Variants in PRKCB observed in about 807,000 individuals in gnomAD.
The protein encoded by PRKCB is protein kinase C beta.
A neutral mutation model predicts 81.5 loss-of-function variants in PRKCB; 13 were observed. The observed-to-expected ratio is 0.16, with a 90% CI of 0.10 to 0.25. The LOEUF (loss-of-function observed/expected upper bound fraction) is 0.25. Among genes scored for constraint, PRKCB ranks in the 10% least tolerant of loss-of-function variants. PRKCB has a pLI of 1.00. For synonymous variants in PRKCB, 335 were observed against 321.4 expected (o/e 1.04, Z -0.45); for missense variants, 509 against 875.7 (o/e 0.58, Z 5.29).
chr16:24,118,979 G>A lies in PRKCB; in HGVS notation c.919-4856G>A, dbSNP rs192712548. 2.1e-3 allele frequency among the ~76,000 whole-genome samples: 321 copies of A among 152,184 alleles called. 7 individuals are homozygous for A. The highest frequency in any genetic ancestry group is 2.8e-4 in the Non-Finnish European group (19 of 68,004). On this transcript the variant is annotated intron_variant, in intron 8 of 16. Coordinates refer to ENST00000643927, the MANE Select transcript of PRKCB (RefSeq NM_002738.7). Reference sequence around the variant, plus strand: ...AACAACAAGAAGGCGAAAGAGCTTGGCATCACCCAGTGTTAGCAGATCCCC... The same window carrying A: ...AACAACAAGAAGGCGAAAGAGCTTGACATCACCCAGTGTTAGCAGATCCCC...
chr16:23,985,040 C>CTT (rs1217337988), intron 2 of PRKCB, among the ~76,000 whole-genome samples: 1 of 152,024 alleles, frequency 6.6e-6, no homozygotes, highest in Non-Finnish European at 1.5e-5. Context: ...TTAAAAAATG[C>CTT]TTTAAAATAA....
chr16:24,156,290 T>C (rs551274558), intron 10 of PRKCB, among the ~76,000 whole-genome samples: 2 of 152,244 alleles, frequency 1.3e-5, no homozygotes, highest in East Asian at 1.9e-4. Flanking sequence ...GGCTTTTTTT[T>C]TTCTAAATGG....
At chr16:23,895,319 T>G (rs1362316802) in intron 2 of PRKCB, among the ~76,000 whole-genome samples, 4 of 151,828 alleles carry the variant, frequency 2.6e-5, no homozygotes, top group Non-Finnish European at 5.9e-5. Flanking sequence ...TGTCACTGTT[T>G]TATTTTTCCC....
At chr16:24,152,037 C>T (rs1486537555) in intron 9 of PRKCB, among the ~76,000 whole-genome samples, 7 of 152,080 alleles carry the variant, frequency 4.6e-5, no homozygotes, top group Non-Finnish European at 1.0e-4. Flanking sequence ...GAGATAGTTG[C>T]AGATATTCAG....
At chr16:24,077,121 A>G (rs2141889378) in intron 5 of PRKCB, among the ~76,000 whole-genome samples, 1 of 152,132 alleles carries the variant, frequency 6.6e-6, no homozygotes, top group East Asian at 1.9e-4. Flanking sequence ...TGAGCACAGC[A>G]TCAGTACTGG....
intron 2 of PRKCB, among the ~76,000 whole-genome samples, chr16:23,954,928 G>T (rs1221040452): frequency 1.3e-5 from 2 of 152,146 alleles, no homozygotes; most frequent in Admixed American, 6.5e-5. Flanking sequence ...ACATATGCAG[G>T]TGTGTAATCC....
chr16:24,078,527 G>T (rs981928821), intron 5 of PRKCB, among the ~76,000 whole-genome samples: 1 of 152,184 alleles, frequency 6.6e-6, no homozygotes, highest in Non-Finnish European at 1.5e-5. Context: ...AGATGTTTAT[G>T]GGGGGCAGGT....
intron 2 of PRKCB, among the ~76,000 whole-genome samples, chr16:23,850,552 A>G (rs1383841551): frequency 6.6e-6 from 1 of 152,016 alleles, no homozygotes; most frequent in East Asian, 1.9e-4. Context: ...TTTGCTAGAG[A>G]CGGGGTTTCA....
intron 4 of PRKCB, among the ~76,000 whole-genome samples, chr16:24,034,033 A>T (rs114827361): frequency 6.6e-6 from 1 of 152,116 alleles, no homozygotes; most frequent in Non-Finnish European, 1.5e-5. Flanking sequence ...GACAGCAGAG[A>T]CAAGAGACAT....
intron 2 of PRKCB, among the ~76,000 whole-genome samples, chr16:23,877,053 A>G (rs1253349232): frequency 6.6e-6 from 1 of 152,162 alleles, no homozygotes; most frequent in Non-Finnish European, 1.5e-5. Flanking sequence ...AAAGTCCTGA[A>G]ACCAAATGAA....
At chr16:24,029,231 T>A (rs1050529370) in intron 3 of PRKCB, among the ~76,000 whole-genome samples, 6 of 152,216 alleles carry the variant, frequency 3.9e-5, no homozygotes, top group African/African-American at 1.4e-4. Context: ...GTGATATGGT[T>A]AGGCTTTGTG....
intron 3 of PRKCB, among the ~76,000 whole-genome samples, chr16:24,022,207 ATG>A (rs1965413977): frequency 6.6e-6 from 1 of 151,994 alleles, no homozygotes; most frequent in Non-Finnish European, 1.5e-5. Flanking sequence ...AGTTTAGGGG[ATG>A]TGTTCACATG....
At position 24,114,184 on chromosome 16, in the gene PRKCB, C is replaced by G. The variant is rs116221344; in HGVS notation, c.918+1115C>G. ...AGCCAAGATTGTGCCACTGCATGATCAGTAATGCTCTGTTGCCCAGGCTGC... is the reference window on the plus strand; with the variant it reads ...AGCCAAGATTGTGCCACTGCATGATGAGTAATGCTCTGTTGCCCAGGCTGC... On this transcript the variant is annotated intron_variant, in intron 8 of 16. Coordinates refer to ENST00000643927, the MANE Select transcript of PRKCB (RefSeq NM_002738.7). Among the ~76,000 whole-genome samples, 1,290 of 145,836 alleles carry G rather than the reference C, an allele frequency of 8.8e-3. 13 individuals are homozygous for G. The highest frequency in any genetic ancestry group is 0.031 in the African/African-American group (1,225 of 39,550).
intron 5 of PRKCB, 65 bp downstream of exon 5, chr16:24,035,612 G>A (rs1035649338): frequency 7.8e-6 from 12 of 1,540,192 alleles, no homozygotes; most frequent in Non-Finnish European, 1.1e-5. Context: ...AGAAGGGGAG[G>A]GTGGCGGAGG....
chr16:24,197,881 A>G (rs1967902349), intron 16 of PRKCB, among the ~76,000 whole-genome samples: 1 of 152,192 alleles, frequency 6.6e-6, no homozygotes, highest in South Asian at 2.1e-4. Context: ...CATGGTAGCC[A>G]AGAGTTTGGT....
chr16:23,977,646 G>A (rs1217393044), intron 2 of PRKCB, among the ~76,000 whole-genome samples: 1 of 152,204 alleles, frequency 6.6e-6, no homozygotes, highest in African/African-American at 2.4e-5. Context: ...CAGGAGACTG[G>A]AAAGAACGGT....
chr16:24,063,078 C>T (rs1197787503), intron 5 of PRKCB, among the ~76,000 whole-genome samples: 1 of 152,068 alleles, frequency 6.6e-6, no homozygotes, highest in Non-Finnish European at 1.5e-5. Context: ...TTCTCTGTGT[C>T]TCCAGATTTC....
intron 5 of PRKCB, among the ~76,000 whole-genome samples, chr16:24,056,186 C>G (rs551638129): frequency 6.6e-6 from 1 of 152,350 alleles, no homozygotes; most frequent in South Asian, 2.1e-4. Context: ...TTTGAAGCTG[C>G]CAGCCTCTCC....
intron 2 of PRKCB, among the ~76,000 whole-genome samples, chr16:23,942,256 T>A (rs1179981125): frequency 6.6e-6 from 1 of 152,248 alleles, no homozygotes; most frequent in East Asian, 1.9e-4. Context: ...ATATTAACCA[T>A]GGATTGGCAA....
Sources: gnomAD v4.1 joint callset for allele counts (sites outside exome capture counted in the v4.1 genomes callset) on GRCh38, gnomAD v4.1.1 for gene constraint, MANE v1.5 for transcripts, NCBI Gene and HGNC (gene_info 2026-07-23, HGNC 2026-07-21) for gene names.